Variants in CREB5 observed in about 807,000 individuals in gnomAD.
The protein encoded by CREB5 is cAMP responsive element binding protein 5.
A neutral mutation model predicts 57.1 loss-of-function variants in CREB5; 19 were observed. That is an observed-to-expected ratio of 0.33 (90% CI 0.23 to 0.49). The LOEUF (loss-of-function observed/expected upper bound fraction) is 0.49, where lower values mean the gene tolerates loss of function less well. Among genes scored for constraint, CREB5 ranks in the 20% least tolerant of loss-of-function variants. The pLI is 0.99. For synonymous variants in CREB5, 238 were observed against 238.3 expected (o/e 1.00, Z 0.01); for missense variants, 579 against 671.6 (o/e 0.86, Z 1.52).
At position 28,774,967 on chromosome 7, in the gene CREB5, C is replaced by T. The variant is rs1034984328; in HGVS notation, c.703-29232C>T. On this transcript the variant is annotated intron_variant, in intron 7 of 10. Transcript: ENST00000357727. ...TATAGTCCAGGGATCCCAATTTGTTCTCACTAATAAAAAGAAAGAACAAGT... is the reference window on the plus strand; with the variant it reads ...TATAGTCCAGGGATCCCAATTTGTTTTCACTAATAAAAAGAAAGAACAAGT... 5.9e-5 allele frequency among the ~76,000 whole-genome samples: 9 copies of T among 152,176 alleles called. No individual in the cohort carries two copies. In the East Asian group the frequency reaches 9.6e-4, roughly 16 times the overall value.
At chr7:28,493,220 C>T (rs758058461) in intron 2 of CREB5, among the ~76,000 whole-genome samples, 5 of 152,166 alleles carry the variant, frequency 3.3e-5, no homozygotes, top group Admixed American at 6.5e-5. Flanking sequence ...AATTAGAAAG[C>T]TCTGAAAGAT....
intron 5 of CREB5, among the ~76,000 whole-genome samples, chr7:28,591,892 A>G (rs1379307140): frequency 1.3e-5 from 2 of 152,206 alleles, no homozygotes; most frequent in African/African-American, 4.8e-5. Context: ...GACACTTGCT[A>G]GAACAGCAAG....
chr7:28,641,666 T>C (rs1798665097), intron 5 of CREB5, among the ~76,000 whole-genome samples: 1 of 152,194 alleles, frequency 6.6e-6, no homozygotes, highest in African/African-American at 2.4e-5. Context: ...CTACATCATT[T>C]TCTCTGCCAG....
intron 1 of CREB5, among the ~76,000 whole-genome samples, chr7:28,406,341 T>C (rs1324001428): frequency 2.6e-5 from 4 of 152,220 alleles, no homozygotes; most frequent in Admixed American, 2.6e-4. Flanking sequence ...ACTAAAGGTC[T>C]CCCAGGGGTC....
intron 5 of CREB5, among the ~76,000 whole-genome samples, chr7:28,669,954 T>C (rs1799964423): frequency 6.6e-6 from 1 of 152,210 alleles, no homozygotes; most frequent in Non-Finnish European, 1.5e-5. Context: ...TTGCTTTCTG[T>C]ACCAATTCTC....
At chr7:28,632,139 A>T (rs982690921) in intron 5 of CREB5, among the ~76,000 whole-genome samples, 1 of 152,172 alleles carries the variant, frequency 6.6e-6, no homozygotes, top group African/African-American at 2.4e-5. Flanking sequence ...ATTCCAACCC[A>T]GTGAAGTTTG....
intron 1 of CREB5, among the ~76,000 whole-genome samples, chr7:28,428,937 C>T (rs73297123): frequency 0.019 from 2,911 of 152,248 alleles, 109 homozygotes; most frequent in African/African-American, 0.066. Context: ...CAAGCTTCCC[C>T]GGGTTTCCCA....
chr7:28,718,920 A>G, intron 6 of CREB5, 41 bp downstream of exon 6: 1 of 1,612,846 alleles, frequency 6.2e-7, no homozygotes, highest in Non-Finnish European at 8.5e-7. Context: ...TGTCACTTGC[A>G]CTGAGGTTTG....
chr7:28,624,552 T>C (rs1209619536), intron 5 of CREB5, among the ~76,000 whole-genome samples: 1 of 152,194 alleles, frequency 6.6e-6, no homozygotes, highest in Non-Finnish European at 1.5e-5. Context: ...AGAGGGTCTA[T>C]CTGGCTCCTT....
intron 5 of CREB5, among the ~76,000 whole-genome samples, chr7:28,715,821 C>T (rs111912300): frequency 3.2e-4 from 49 of 152,232 alleles, no homozygotes; most frequent in African/African-American, 1.1e-3. Flanking sequence ...ATAATCCTTT[C>T]CCTTCTATAC....
chr7:28,507,658 A>T lies in CREB5; in HGVS notation c.212A>T (p.Glu71Val). The T allele has an allele frequency of 6.2e-7, 1 of 1,611,698 alleles. No individual in the cohort carries two copies. The highest frequency in any genetic ancestry group is 1.7e-4 in the Middle Eastern group (1 of 6,056). The change falls in exon 4 of 11, where the codon GAG becomes GTG. Residue 71 changes from glutamate to valine, a missense_variant. Glu to Val is a moderately radical substitution (Grantham distance 121, BLOSUM62 -2). This residue lies in a region of CREB5 where 459 missense variants were observed against 515.7 expected (regional missense o/e 0.89). Coordinates refer to ENST00000357727, the MANE Select transcript of CREB5 (RefSeq NM_182898.4). ...TPTRFLKNCE[E>V]VGLFSELDCS... ...ACGAGATTCCTGAAGAACTGCGAGG[A>T]GGTGGGCCTCTTCAGCGAGCTGGAC... is the stretch of plus-strand genomic sequence containing the variant.
chr7:28,719,816 C>G (rs1019040485), intron 6 of CREB5, among the ~76,000 whole-genome samples: 2 of 152,212 alleles, frequency 1.3e-5, no homozygotes, highest in African/African-American at 4.8e-5. Flanking sequence ...AATCCCAGCA[C>G]TTTGGGAGGC....
chr7:28,505,952 C>T (rs750621780), intron 3 of CREB5, among the ~76,000 whole-genome samples: 1 of 152,120 alleles, frequency 6.6e-6, no homozygotes. Flanking sequence ...TTCAACAAAA[C>T]CCACTCTTTC....
chr7:28,365,117 G>T (rs962981374), intron 1 of CREB5, among the ~76,000 whole-genome samples: 21 of 152,084 alleles, frequency 1.4e-4, no homozygotes, highest in African/African-American at 5.1e-4. Context: ...ACCACGAATT[G>T]CATCTCCTCT....
chr7:28,712,911 A>C (rs1348722476), intron 5 of CREB5, among the ~76,000 whole-genome samples: 33 of 152,182 alleles, frequency 2.2e-4, no homozygotes, highest in Admixed American at 2.0e-3. Flanking sequence ...GCCACTTCTT[A>C]AGATTTAAGA....
rs911384549 is a variant in CREB5 at position 28,823,101 on chromosome 7, GT to G, written c.*3825del. The stretch of plus-strand genomic sequence containing the variant: ...AAGTAAACTTTAGTGTGTAAGTTGA[GT>G]TTGTCATTAAAATCATAAACCAGCT... On this transcript the variant is annotated 3_prime_UTR_variant, in exon 11 of 11. Coordinates refer to ENST00000357727, the MANE Select transcript of CREB5 (RefSeq NM_182898.4). The G allele has an allele frequency of 2.0e-5, 3 of 152,604 alleles. No individual in the cohort carries two copies. Among genetic ancestry groups the G allele is most frequent in the African/African-American group, 7.2e-5 (3 of 41,450 alleles). The allele number at this position is 152,604 out of a possible 1,614,324, so 9.5% of individuals were successfully genotyped here.
chr7:28,309,234 T>G (rs1056098909), intron 1 of CREB5, among the ~76,000 whole-genome samples: 3 of 152,234 alleles, frequency 2.0e-5, no homozygotes, highest in African/African-American at 2.4e-5. Context: ...TTTCTCTCAA[T>G]GCACACAAGC....
intron 7 of CREB5, among the ~76,000 whole-genome samples, chr7:28,765,966 C>G (rs191196386): frequency 3.2e-4 from 48 of 152,070 alleles, no homozygotes; most frequent in Non-Finnish European, 6.2e-4. Context: ...GGTGGTGCGG[C>G]AGGGAAAAGC....
At chr7:28,329,549 C>T (rs940109761) in intron 1 of CREB5, among the ~76,000 whole-genome samples, 2 of 152,156 alleles carry the variant, frequency 1.3e-5, no homozygotes, top group African/African-American at 2.4e-5. Context: ...GACTTCTCGC[C>T]GACTTGTTTA....
Sources: allele counts gnomAD v4.1 joint callset (sites outside exome capture counted in the v4.1 genomes callset), GRCh38; gene constraint gnomAD v4.1.1; regional missense constraint gnomAD v4.1.1; transcripts MANE v1.5; gene names NCBI Gene and HGNC (gene_info 2026-07-23, HGNC 2026-07-21).